Variants in RNLS observed in about 807,000 individuals in gnomAD.
The protein encoded by RNLS is renalase.
In RNLS, 39 loss-of-function variants were observed where a neutral mutation model predicts 39.8. That is an observed-to-expected ratio of 0.98 (90% CI 0.76 to 1.28). The LOEUF (loss-of-function observed/expected upper bound fraction) is 1.28, where lower values mean the gene tolerates loss of function less well. Among genes scored for constraint, RNLS ranks in the 50% most tolerant of loss-of-function variants. The probability of loss-of-function intolerance (pLI) is 0.00; values close to 1 mark genes in which losing one functional copy is unlikely to be tolerated. For synonymous variants in RNLS, 147 were observed against 150.7 expected (o/e 0.98, Z 0.18); for missense variants, 410 against 413.3 (o/e 0.99, Z 0.07).
chr10:88,432,562 T>G (rs896817871), intron 4 of RNLS, among the ~76,000 whole-genome samples: 4 of 152,024 alleles, frequency 2.6e-5, no homozygotes, highest in African/African-American at 7.2e-5. Context: ...TTTTTCTGTC[T>G]TCTTCTGGAT....
At chr10:88,542,147 G>A (rs551041384) in intron 4 of RNLS, among the ~76,000 whole-genome samples, 2 of 152,102 alleles carry the variant, frequency 1.3e-5, no homozygotes, top group Non-Finnish European at 2.9e-5. Flanking sequence ...TGAATGAAAA[G>A]CTATCATATC....
At chr10:88,571,207 C>T (rs1260582509) in intron 4 of RNLS, among the ~76,000 whole-genome samples, 1 of 151,836 alleles carries the variant, frequency 6.6e-6, no homozygotes, top group African/African-American at 2.4e-5. Flanking sequence ...ACCTCGAACA[C>T]CTGGGCTCAA....
At chr10:88,198,494 C>A in the RNLS span, among the ~76,000 whole-genome samples, 1 of 152,090 alleles carries the variant, frequency 6.6e-6, no homozygotes, top group Non-Finnish European at 1.5e-5. Flanking sequence ...AAGTTTTATG[C>A]CTGATGATAT....
intron 5 of RNLS, among the ~76,000 whole-genome samples, chr10:88,329,284 C>T (rs1197833378): frequency 6.6e-6 from 1 of 151,970 alleles, no homozygotes; most frequent in Non-Finnish European, 1.5e-5. Context: ...AACTCCTGGC[C>T]TCAAACGATC....
At chr10:88,242,103 T>A in the RNLS span, among the ~76,000 whole-genome samples, 1 of 152,168 alleles carries the variant, frequency 6.6e-6, no homozygotes, top group Non-Finnish European at 1.5e-5. Flanking sequence ...CTTATCCCCA[T>A]ATCTTTCCTT....
chr10:88,395,865 C>T (rs928507043), intron 4 of RNLS, among the ~76,000 whole-genome samples: 2 of 151,974 alleles, frequency 1.3e-5, no homozygotes, highest in Non-Finnish European at 2.9e-5. Context: ...CATTATGTTC[C>T]AGGGATTCTC....
the RNLS span, among the ~76,000 whole-genome samples, chr10:88,253,051 C>T: frequency 6.6e-6 from 1 of 152,198 alleles, no homozygotes; most frequent in African/African-American, 2.4e-5. Context: ...GTGAATTTTT[C>T]TGGAGCTTGC....
At chr10:88,556,939 C>A (rs1848908128) in intron 4 of RNLS, among the ~76,000 whole-genome samples, 2 of 152,048 alleles carry the variant, frequency 1.3e-5, no homozygotes, top group African/African-American at 4.8e-5. Flanking sequence ...CAATATTATG[C>A]CTCCTTCCAC....
Position 88,455,855 on chromosome 10 carries a change from C to T in RNLS, c.527-93130G>A, listed in dbSNP as rs182955915. Reference sequence around the variant, plus strand: ...AAACAAAACAAAACAAAACAAAAATCGCTTTATCCCAATGCATGCCCACTC... The same window carrying T: ...AAACAAAACAAAACAAAACAAAAATTGCTTTATCCCAATGCATGCCCACTC... On this transcript the variant is annotated intron_variant, in intron 4 of 6. Transcript: ENST00000331772. Among the ~76,000 whole-genome samples the T allele has an allele frequency of 2.4e-4, 36 of 152,216 alleles. No homozygotes were observed. The East Asian group carries it at 6.0e-3, about 25-fold the overall frequency.
At chr10:88,566,080 T>C (rs1470342472) in intron 4 of RNLS, among the ~76,000 whole-genome samples, 2 of 151,990 alleles carry the variant, frequency 1.3e-5, no homozygotes, top group Non-Finnish European at 2.9e-5. Flanking sequence ...TAAACTATTC[T>C]TATTTTTAAA....
At chr10:88,285,822 T>C (rs1843226782) in intron 6 of RNLS, among the ~76,000 whole-genome samples, 1 of 152,040 alleles carries the variant, frequency 6.6e-6, no homozygotes, top group African/African-American at 2.4e-5. Context: ...CCCCCTGAAA[T>C]TCATATGTTG....
intron 4 of RNLS, among the ~76,000 whole-genome samples, chr10:88,380,048 A>G (rs1039061171): frequency 6.6e-6 from 1 of 152,192 alleles, no homozygotes; most frequent in Admixed American, 6.5e-5. Flanking sequence ...TTCTTGGCAT[A>G]ATATAATGAT....
At chr10:88,403,499 T>C (rs1449737345) in intron 4 of RNLS, among the ~76,000 whole-genome samples, 1 of 152,064 alleles carries the variant, frequency 6.6e-6, no homozygotes, top group Non-Finnish European at 1.5e-5. Flanking sequence ...ATGCCTGAAA[T>C]TTCCATCAAA....
At chr10:88,355,859 C>T (rs1033411189) in intron 5 of RNLS, among the ~76,000 whole-genome samples, 6 of 152,214 alleles carry the variant, frequency 3.9e-5, no homozygotes, top group Non-Finnish European at 8.8e-5. Flanking sequence ...GTGGGCTCCA[C>T]CCAGTTCGAG....
At chr10:88,413,355 C>A (rs1042653057) in intron 4 of RNLS, among the ~76,000 whole-genome samples, 1 of 152,194 alleles carries the variant, frequency 6.6e-6, no homozygotes, top group African/African-American at 2.4e-5. Flanking sequence ...GACATGCATC[C>A]ATTCACTTAT....
chr10:88,328,143 T>C (rs1355236641), intron 5 of RNLS, among the ~76,000 whole-genome samples: 2 of 152,074 alleles, frequency 1.3e-5, no homozygotes, highest in East Asian at 1.9e-4. Context: ...CCTGGCCTCA[T>C]GTGATCTGCC....
chr10:88,354,023 G>C (rs1383744041), intron 5 of RNLS, among the ~76,000 whole-genome samples: 2 of 152,108 alleles, frequency 1.3e-5, no homozygotes, highest in African/African-American at 4.8e-5. Context: ...TCAGAGACTA[G>C]GATTGCAACC....
At chr10:88,322,405 T>C (rs916938591) in intron 5 of RNLS, among the ~76,000 whole-genome samples, 2 of 152,128 alleles carry the variant, frequency 1.3e-5, no homozygotes, top group African/African-American at 2.4e-5. Flanking sequence ...TAATCTCAAA[T>C]TGTAATCCCC....
At chr10:88,554,634 C>T (rs967318467) in intron 4 of RNLS, among the ~76,000 whole-genome samples, 5 of 151,896 alleles carry the variant, frequency 3.3e-5, no homozygotes, top group African/African-American at 1.2e-4. Context: ...AGGACTTCCA[C>T]AGGCCCTCAC....
Sources: gnomAD v4.1 joint callset for allele counts (sites outside exome capture counted in the v4.1 genomes callset) on GRCh38, gnomAD v4.1.1 for gene constraint, MANE v1.5 for transcripts, NCBI Gene and HGNC (gene_info 2026-07-23, HGNC 2026-07-21) for gene names.